Variants in PDE1A observed in about 807,000 individuals in gnomAD.
PDE1A encodes the protein phosphodiesterase 1A, also known as dual specificity calcium/calmodulin-dependent 3',5'-cyclic nucleotide phosphodiesterase 1A.
Under a neutral mutation model 61.7 loss-of-function variants are expected in PDE1A, and 35 were observed. The observed-to-expected ratio is 0.57, with a 90% CI of 0.43 to 0.75. PDE1A has a LOEUF of 0.75. Ranked by LOEUF, PDE1A falls within the 30% of genes least tolerant of loss-of-function variation. PDE1A has a pLI of 0.00. For missense variants in PDE1A, 597 were observed against 630.6 expected, an observed-to-expected ratio of 0.95 and a Z score of 0.57; for synonymous variants, 232 against 213.2, an observed-to-expected ratio of 1.09 and a Z score of -0.77.
the PDE1A span, among the ~76,000 whole-genome samples, chr2:182,709,583 G>T: frequency 2.0e-5 from 3 of 152,314 alleles, no homozygotes; most frequent in East Asian, 3.9e-4. Flanking sequence ...AATATGCTTA[G>T]CTGGAGCTTA....
intron 7 of PDE1A, among the ~76,000 whole-genome samples, chr2:182,220,105 AAT>A (rs1174542064): frequency 1.3e-5 from 2 of 152,090 alleles, no homozygotes; most frequent in Non-Finnish European, 2.9e-5. Flanking sequence ...AAGATGAAAT[AAT>A]ATATGTCTTT....
At chr2:182,202,282 T>G (rs1034967723) in intron 8 of PDE1A, among the ~76,000 whole-genome samples, 2 of 152,158 alleles carry the variant, frequency 1.3e-5, no homozygotes, top group Non-Finnish European at 2.9e-5. Flanking sequence ...AGCATGAGAT[T>G]TCAAGACCCT....
intron 10 of PDE1A, among the ~76,000 whole-genome samples, chr2:182,197,696 T>A (rs1374465135): frequency 6.6e-6 from 1 of 151,826 alleles, no homozygotes; most frequent in Non-Finnish European, 1.5e-5. Context: ...TTTGTAAAGA[T>A]CACATGACAT....
intron 1 of PDE1A, among the ~76,000 whole-genome samples, chr2:182,359,800 T>C (rs1272884773): frequency 6.6e-6 from 1 of 152,118 alleles, no homozygotes; most frequent in Non-Finnish European, 1.5e-5. Flanking sequence ...TAAACCTTCC[T>C]GTCTGAGGAA....
the PDE1A span, among the ~76,000 whole-genome samples, chr2:182,703,800 T>C: frequency 6.6e-6 from 1 of 152,130 alleles, no homozygotes; most frequent in African/African-American, 2.4e-5. Context: ...AAGTACCTAA[T>C]AGAAAGTAAG....
chr2:182,349,577 T>G (rs1231329195), intron 1 of PDE1A, among the ~76,000 whole-genome samples: 2 of 152,190 alleles, frequency 1.3e-5, no homozygotes, highest in African/African-American at 2.4e-5. Context: ...AGATTAAGAT[T>G]TGTCAAACTG....
Position 182,173,037 on chromosome 2 carries a change from C to T in PDE1A, c.1517-4747G>A, listed in dbSNP as rs182816056. Among the ~76,000 whole-genome samples, 35 of 152,048 alleles carry T rather than the reference C, an allele frequency of 2.3e-4. No homozygotes were observed. In the South Asian group the frequency reaches 3.1e-3, roughly 14 times the overall value. On this transcript the variant is annotated intron_variant, in intron 13 of 13. Transcript: ENST00000351439. The stretch of plus-strand genomic sequence containing the variant: ...TCCCATCCCTAGGTGAATATAACTA[C>T]GAAGGTTCCCATTGCCATTTCCTGA...
chr2:182,579,286 G>A, the PDE1A span, among the ~76,000 whole-genome samples: 1 of 151,708 alleles, frequency 6.6e-6, no homozygotes, highest in Non-Finnish European at 1.5e-5. Flanking sequence ...CTACTCACTT[G>A]CTTGCTACGT....
intron 2 of PDE1A, among the ~76,000 whole-genome samples, chr2:182,494,451 T>C (rs535968808): frequency 6.6e-6 from 1 of 152,260 alleles, no homozygotes; most frequent in East Asian, 1.9e-4. Flanking sequence ...ATAATACAAA[T>C]GGCGAGCCCA....
At chr2:182,624,784 C>G in the PDE1A span, among the ~76,000 whole-genome samples, 1 of 152,160 alleles carries the variant, frequency 6.6e-6, no homozygotes, top group Non-Finnish European at 1.5e-5. Flanking sequence ...GGGCCAGATA[C>G]CAGACAACCA....
chr2:182,215,281 T>C (rs200238811), intron 7 of PDE1A, among the ~76,000 whole-genome samples: 29,042 of 82,230 alleles, frequency 0.35, 5,342 homozygotes, highest in East Asian at 0.61. Context: ...TAGAGGGAAA[T>C]TTATAGCACT....
At chr2:182,168,747 T>C (rs1473074468) in intron 13 of PDE1A, among the ~76,000 whole-genome samples, 1 of 152,134 alleles carries the variant, frequency 6.6e-6, no homozygotes, top group East Asian at 1.9e-4. Flanking sequence ...CTGTGATTTA[T>C]TTTCAAAATA....
chr2:182,682,346 T>C, the PDE1A span, among the ~76,000 whole-genome samples: 1 of 152,090 alleles, frequency 6.6e-6, no homozygotes, highest in African/African-American at 2.4e-5. Context: ...AGGGAAGAAA[T>C]GTAAACATGT....
At chr2:182,294,786 G>A (rs1018560094) in intron 1 of PDE1A, among the ~76,000 whole-genome samples, 10 of 152,100 alleles carry the variant, frequency 6.6e-5, no homozygotes, top group East Asian at 1.9e-4. Context: ...TAATAATCAA[G>A]CAGTTAATAG....
the PDE1A span, among the ~76,000 whole-genome samples, chr2:182,621,411 G>A: frequency 6.6e-6 from 1 of 152,056 alleles, no homozygotes; most frequent in Non-Finnish European, 1.5e-5. Flanking sequence ...CCCAGGGGCT[G>A]AGCCTTTTGG....
At chr2:182,261,197 T>G (rs2125776268) in intron 2 of PDE1A, among the ~76,000 whole-genome samples, 1 of 152,000 alleles carries the variant, frequency 6.6e-6, no homozygotes, top group East Asian at 1.9e-4. Context: ...AGGAATACTC[T>G]GAGAAGAGTC....
chr2:182,612,359 C>G, the PDE1A span, among the ~76,000 whole-genome samples: 1 of 152,050 alleles, frequency 6.6e-6, no homozygotes, highest in African/African-American at 2.4e-5. Context: ...AGATTGGAGT[C>G]AAAAATGAAC....
the PDE1A span, among the ~76,000 whole-genome samples, chr2:182,713,152 C>T: frequency 6.6e-6 from 1 of 152,080 alleles, no homozygotes. Context: ...AAATTTCTTC[C>T]TTTTTATTTT....
intron 13 of PDE1A, among the ~76,000 whole-genome samples, chr2:182,152,412 CTTTTTTTTTTTTT>C (rs559392112): frequency 2.7e-5 from 2 of 75,296 alleles, no homozygotes; most frequent in Non-Finnish European, 4.8e-5. Context: ...TTTTTTTCCT[CTTTTTTTTTTTTT>C]TTTTTTTTTT....
Sources: gnomAD v4.1 joint callset for allele counts (sites outside exome capture counted in the v4.1 genomes callset) on GRCh38, gnomAD v4.1.1 for gene constraint, MANE v1.5 for transcripts, NCBI Gene and HGNC (gene_info 2026-07-23, HGNC 2026-07-21) for gene names.